The following TAS2R1 variants were observed in gnomAD, a reference collection of about 807,000 sequenced individuals.
The protein encoded by TAS2R1 is taste 2 receptor member 1.
For synonymous variants in TAS2R1, 141 were observed against 134.2 expected, an observed-to-expected ratio of 1.05 and a Z score of -0.35; for missense variants, 370 against 353.4, an observed-to-expected ratio of 1.05 and a Z score of -0.38.
the TAS2R1 span, among the ~76,000 whole-genome samples, chr5:9,720,839 C>T: frequency 5.3e-5 from 8 of 152,164 alleles, no homozygotes; most frequent in Non-Finnish European, 5.9e-5. Context: ...ATTTTCTTTC[C>T]ACCCTAGCAT....
At chr5:9,828,106 T>C in the TAS2R1 span, among the ~76,000 whole-genome samples, 5 of 152,252 alleles carry the variant, frequency 3.3e-5, no homozygotes, top group Admixed American at 2.0e-4. Flanking sequence ...ACTCATTCTT[T>C]AGGTCTTTTT....
chr5:9,694,496 T>G (rs977738847), intron 1 of TAS2R1, among the ~76,000 whole-genome samples: 4 of 152,230 alleles, frequency 2.6e-5, no homozygotes, highest in African/African-American at 9.6e-5. Flanking sequence ...AATTTGGGCT[T>G]CAATCATTTT....
At chr5:9,655,872 T>TA (rs1249965611) in intron 2 of TAS2R1, among the ~76,000 whole-genome samples, 2 of 150,330 alleles carry the variant, frequency 1.3e-5, no homozygotes, top group East Asian at 4.1e-4. Flanking sequence ...TTTTTTTTTT[T>TA]AATTTGTTTG....
chr5:9,653,394 T>G (rs1323360379), intron 2 of TAS2R1, among the ~76,000 whole-genome samples: 1 of 152,204 alleles, frequency 6.6e-6, no homozygotes, highest in East Asian at 1.9e-4. Context: ...ATAGACCACA[T>G]TTTGCTTATC....
chr5:9,660,240 T>A (rs1013257348), intron 1 of TAS2R1, among the ~76,000 whole-genome samples: 6 of 143,446 alleles, frequency 4.2e-5, no homozygotes, highest in African/African-American at 1.5e-4. Context: ...TTTTTTTTTT[T>A]TTTTTTTTTG....
the TAS2R1 span, among the ~76,000 whole-genome samples, chr5:9,864,067 G>A: frequency 6.6e-6 from 1 of 152,186 alleles, no homozygotes; most frequent in African/African-American, 2.4e-5. Flanking sequence ...AATACAAGTA[G>A]GCCAACAAAA....
intron 2 of TAS2R1, among the ~76,000 whole-genome samples, chr5:9,637,781 T>C (rs1051593187): frequency 2.0e-5 from 3 of 152,188 alleles, no homozygotes; most frequent in Non-Finnish European, 2.9e-5. Flanking sequence ...CAGAATTTGT[T>C]AGTGTTTTAA....
At chr5:9,883,009 G>A in the TAS2R1 span, among the ~76,000 whole-genome samples, 1 of 152,106 alleles carries the variant, frequency 6.6e-6, no homozygotes, top group Non-Finnish European at 1.5e-5. Context: ...GATAAAGAAA[G>A]TATGGTACAT....
the TAS2R1 span, among the ~76,000 whole-genome samples, chr5:9,827,504 G>A: frequency 1.3e-5 from 2 of 151,968 alleles, no homozygotes; most frequent in Non-Finnish European, 2.9e-5. Flanking sequence ...GGAGGCCAAG[G>A]CAGGAGGAGT....
chr5:9,784,499 G>A, the TAS2R1 span, among the ~76,000 whole-genome samples: 16 of 152,378 alleles, frequency 1.1e-4, no homozygotes, highest in East Asian at 2.5e-3. Flanking sequence ...AGAACAGACA[G>A]CCTGGGAGGA....
chr5:9,683,231 T>C (rs934189998), intron 1 of TAS2R1, among the ~76,000 whole-genome samples: 5 of 152,120 alleles, frequency 3.3e-5, no homozygotes, highest in African/African-American at 1.2e-4. Context: ...ATCTCATATG[T>C]ATTATAATCT....
At chr5:9,785,109 C>A in the TAS2R1 span, among the ~76,000 whole-genome samples, 1 of 152,164 alleles carries the variant, frequency 6.6e-6, no homozygotes, top group Non-Finnish European at 1.5e-5. Context: ...CCTTATCTTA[C>A]ATGCCCTTTT....
At chr5:9,887,310 G>A in the TAS2R1 span, among the ~76,000 whole-genome samples, 1 of 152,126 alleles carries the variant, frequency 6.6e-6, no homozygotes, top group Non-Finnish European at 1.5e-5. Flanking sequence ...CCATATTAGT[G>A]CAAAGTTGCT....
chr5:9,714,838 T>TACATGCAATATGTGTGCA (rs1734771640), upstream of TAS2R1, among the ~76,000 whole-genome samples: 2 of 152,254 alleles, frequency 1.3e-5, no homozygotes, highest in Non-Finnish European at 2.9e-5. Flanking sequence ...TCTAGCATGA[T>TACATGCAATATGTGTGCA]ACATGCAATA....
intron 1 of TAS2R1, among the ~76,000 whole-genome samples, chr5:9,705,758 G>T (rs1741593103): frequency 6.6e-6 from 1 of 152,188 alleles, no homozygotes; most frequent in Admixed American, 6.5e-5. Context: ...TACTCGGGAG[G>T]CTGAGGCAGG....
the TAS2R1 span, among the ~76,000 whole-genome samples, chr5:9,804,467 T>C: frequency 2.0e-5 from 3 of 152,138 alleles, no homozygotes. Flanking sequence ...ACATGGAACA[T>C]TCTCCAAGAT....
chr5:9,667,849 T>C (rs1293894425), intron 1 of TAS2R1, among the ~76,000 whole-genome samples: 2 of 152,208 alleles, frequency 1.3e-5, no homozygotes, highest in African/African-American at 4.8e-5. Context: ...GCAAGAATTA[T>C]GGCAGCTCAA....
chr5:9,734,024 T>C, the TAS2R1 span, among the ~76,000 whole-genome samples: 171 of 152,280 alleles, frequency 1.1e-3, 1 homozygote, highest in South Asian at 0.016. Context: ...TTTAGTGGGA[T>C]ACTAGTAGGA....
chr5:9,635,758 G>A (rs192362062), intron 2 of TAS2R1, among the ~76,000 whole-genome samples: 2 of 151,894 alleles, frequency 1.3e-5, no homozygotes, highest in East Asian at 1.9e-4. Flanking sequence ...ATAATTTTTT[G>A]TATTTCTATG....
Sources: allele counts gnomAD v4.1 joint callset (sites outside exome capture counted in the v4.1 genomes callset), GRCh38; gene constraint gnomAD v4.1.1; transcripts MANE v1.5; gene names NCBI Gene and HGNC (gene_info 2026-07-23, HGNC 2026-07-21).